Variants in KCNIP1 observed in about 807,000 individuals in gnomAD.
KCNIP1 encodes A-type potassium channel modulatory protein KCNIP1.
A neutral mutation model predicts 33.0 loss-of-function variants in KCNIP1; 18 were observed. The ratio of observed to expected loss-of-function variants is 0.55; its 90% confidence interval spans 0.38 to 0.81. KCNIP1 has a LOEUF of 0.81. Among genes scored for constraint, KCNIP1 ranks in the 30% least tolerant of loss-of-function variants. The pLI is 0.00. For synonymous variants in KCNIP1, 93 were observed against 98.3 expected, an observed-to-expected ratio of 0.95 and a Z score of 0.32; for missense variants, 238 against 271.6, an observed-to-expected ratio of 0.88 and a Z score of 0.87.
intron 1 of KCNIP1, among the ~76,000 whole-genome samples, chr5:170,706,235 C>T (rs1763253675): frequency 6.6e-6 from 1 of 152,172 alleles, no homozygotes; most frequent in African/African-American, 2.4e-5. Context: ...GATTACAGGG[C>T]CTAAGCCTAC....
intron 1 of KCNIP1, among the ~76,000 whole-genome samples, chr5:170,685,151 C>T (rs1338274668): frequency 2.0e-5 from 3 of 151,994 alleles, no homozygotes; most frequent in Non-Finnish European, 4.4e-5. Context: ...GGCCCTAAGA[C>T]TTTTCTGTTT....
intron 1 of KCNIP1, among the ~76,000 whole-genome samples, chr5:170,557,004 G>C (rs780591843): frequency 6.6e-6 from 1 of 152,164 alleles, no homozygotes; most frequent in Non-Finnish European, 1.5e-5. Context: ...TATGCTGGCT[G>C]TGTGACCTTG....
chr5:170,415,079 A>G (rs1755292054), intron 1 of KCNIP1, among the ~76,000 whole-genome samples: 1 of 152,112 alleles, frequency 6.6e-6, no homozygotes, highest in Non-Finnish European at 1.5e-5. Flanking sequence ...TAAATGTAGT[A>G]TTTTATCTCC....
intron 1 of KCNIP1, among the ~76,000 whole-genome samples, chr5:170,418,094 G>A (rs1027243019): frequency 8.5e-5 from 13 of 152,196 alleles, no homozygotes; most frequent in Admixed American, 2.6e-4. Context: ...TCTCATCAGT[G>A]CCCAAAACTT....
chr5:170,717,370 A>C (rs1039171397), intron 1 of KCNIP1, among the ~76,000 whole-genome samples: 6 of 152,106 alleles, frequency 3.9e-5, no homozygotes, highest in Non-Finnish European at 7.4e-5. Context: ...GCTCTGTAAG[A>C]ATTATGAATT....
chr5:170,722,872 C>T, intron 5 of KCNIP1, 52 bp downstream of exon 5: 2 of 1,197,100 alleles, frequency 1.7e-6, no homozygotes, highest in South Asian at 1.2e-5. Flanking sequence ...AGGTAACTAA[C>T]CCAACAGAAA....
At chr5:170,555,475 TGTAA>T (rs1205231718) in intron 1 of KCNIP1, among the ~76,000 whole-genome samples, 7 of 152,216 alleles carry the variant, frequency 4.6e-5, no homozygotes, top group African/African-American at 1.7e-4. Flanking sequence ...AAACTGAGGC[TGTAA>T]GTGAGGAAGC....
At chr5:170,465,917 G>A (rs1756599816) in intron 1 of KCNIP1, among the ~76,000 whole-genome samples, 1 of 152,206 alleles carries the variant, frequency 6.6e-6, no homozygotes, top group Admixed American at 6.5e-5. Flanking sequence ...GAAGCAGCAG[G>A]AGAATCCAAC....
chr5:170,561,691 G>A (rs151216214), intron 1 of KCNIP1, among the ~76,000 whole-genome samples: 142 of 152,308 alleles, frequency 9.3e-4, no homozygotes, highest in East Asian at 9.3e-3. Context: ...ATGCACACAC[G>A]GTGCCTGGCA....
chr5:170,408,538 A>C (rs973082118), intron 1 of KCNIP1, among the ~76,000 whole-genome samples: 1 of 152,208 alleles, frequency 6.6e-6, no homozygotes, highest in Non-Finnish European at 1.5e-5. Context: ...GCAGAAGCAC[A>C]CTTGTCCCTA....
At chr5:170,643,294 C>A (rs1416654227) in intron 1 of KCNIP1, among the ~76,000 whole-genome samples, 3 of 152,252 alleles carry the variant, frequency 2.0e-5, no homozygotes, top group Admixed American at 1.3e-4. Context: ...TTGACTTTAG[C>A]CCAGTGCAAC....
At chr5:170,381,597 TCC>T (rs1180480898) in intron 1 of KCNIP1, among the ~76,000 whole-genome samples, 37 of 152,140 alleles carry the variant, frequency 2.4e-4, no homozygotes, top group Non-Finnish European at 4.6e-4. Flanking sequence ...TCCTCCCAGC[TCC>T]TGCAGCCTGC....
intron 1 of KCNIP1, among the ~76,000 whole-genome samples, chr5:170,606,708 C>G (rs1396616720): frequency 1.2e-4 from 19 of 152,222 alleles, no homozygotes; most frequent in Admixed American, 1.2e-3. Context: ...GTAACACTTA[C>G]TAAAATTCTT....
intron 1 of KCNIP1, among the ~76,000 whole-genome samples, chr5:170,661,448 T>A (rs1336342675): frequency 6.6e-6 from 1 of 152,204 alleles, no homozygotes; most frequent in African/African-American, 2.4e-5. Flanking sequence ...CCTTGCCAAC[T>A]CCACAATTCT....
At chr5:170,635,088 G>C (rs1760229457) in intron 1 of KCNIP1, among the ~76,000 whole-genome samples, 1 of 152,146 alleles carries the variant, frequency 6.6e-6, no homozygotes, top group Admixed American at 6.5e-5. Context: ...GGAGGGCAGT[G>C]GTGCGATCTC....
chr5:170,620,476 G>A (rs1183114785), intron 1 of KCNIP1, among the ~76,000 whole-genome samples: 1 of 152,184 alleles, frequency 6.6e-6, no homozygotes, highest in African/African-American at 2.4e-5. Flanking sequence ...GGCTGGGGCT[G>A]CTACAGCCAT....
intron 1 of KCNIP1, among the ~76,000 whole-genome samples, chr5:170,482,484 T>C (rs1756999268): frequency 1.3e-5 from 2 of 152,280 alleles, no homozygotes; most frequent in Non-Finnish European, 2.9e-5. Context: ...ATTTGCACCA[T>C]GATTTGCTTC....
At chr5:170,491,612 T>G (rs1191256495) in intron 1 of KCNIP1, among the ~76,000 whole-genome samples, 1 of 152,222 alleles carries the variant, frequency 6.6e-6, no homozygotes, top group African/African-American at 2.4e-5. Context: ...TCATGTGATA[T>G]TACGTCATCT....
Position 170,504,651 on chromosome 5 carries a change from T to C in KCNIP1, c.61+18T>C. 1 of 1,605,702 alleles carries C rather than the reference T, an allele frequency of 6.2e-7. No individual in the cohort carries two copies. Among genetic ancestry groups the C allele is most frequent in the Non-Finnish European group, 8.5e-7 (1 of 1,172,654 alleles). On this transcript the variant is annotated intron_variant, in intron 1 of 7. Coordinates refer to ENST00000328939, the MANE Select transcript of KCNIP1 (RefSeq NM_014592.4). This position sits in a 1 kb window ranked among gnomAD's most constrained non-coding sequence, Gnocchi z 6.0. ...CTCGAAAGGTAAGCCACCTTCTTCCTTTTGTTCCCCTGTCTGGGCTTGGGG... is the reference window on the plus strand; with the variant it reads ...CTCGAAAGGTAAGCCACCTTCTTCCCTTTGTTCCCCTGTCTGGGCTTGGGG...
Sources: gnomAD v4.1 joint callset for allele counts (sites outside exome capture counted in the v4.1 genomes callset) on GRCh38, gnomAD v4.1.1 for gene constraint, Gnocchi (gnomAD v3.1) non-coding constraint, MANE v1.5 for transcripts, NCBI Gene and HGNC (gene_info 2026-07-23, HGNC 2026-07-21) for gene names.